Variants in ATP6V1C2 observed in about 807,000 individuals in gnomAD.
The protein encoded by ATP6V1C2 is V-type proton ATPase subunit C 2.
A neutral mutation model predicts 56.8 loss-of-function variants in ATP6V1C2; 45 were observed. That is an observed-to-expected ratio of 0.79 (90% CI 0.62 to 1.02). The LOEUF is 1.02. ATP6V1C2 is among the 50% of genes least tolerant of loss of function. The pLI, the probability that ATP6V1C2 is intolerant of heterozygous loss-of-function variation, is 0.00. For missense variants in ATP6V1C2, 463 were observed against 519.7 expected, an observed-to-expected ratio of 0.89 and a Z score of 1.06; for synonymous variants, 220 against 201.3, an observed-to-expected ratio of 1.09 and a Z score of -0.79.
At position 10,771,837 on chromosome 2, in the gene ATP6V1C2, A is replaced by ACCC; in HGVS notation, c.471-2_471-1insCCC. ...ACACCCTTTGTTCCACCTGCCTTTT[A>ACCC]GGGGGAACCTCTTCACCCGGACACT... is the stretch of plus-strand genomic sequence containing the variant. On this transcript the variant is annotated splice_acceptor_variant, in intron 6 of 13. Transcript: ENST00000272238. LOFTEE classifies it high-confidence loss of function. 1 of 1,612,904 alleles carries ACCC rather than the reference A, an allele frequency of 6.2e-7. No homozygotes were observed. The highest frequency in any genetic ancestry group is 8.5e-7 in the Non-Finnish European group (1 of 1,178,996).
rs910911283 is a variant in ATP6V1C2, at chr2:10,753,887, G to C, written c.198-94G>C. ...ATCTTGCCAAATTATTCCCCCAAAGGGTGTCACCAGCTACTTTTCCTGCCA... is the reference window on the plus strand; with the variant it reads ...ATCTTGCCAAATTATTCCCCCAAAGCGTGTCACCAGCTACTTTTCCTGCCA... On this transcript the variant is annotated intron_variant, in intron 3 of 13. Coordinates refer to ENST00000272238, the MANE Select transcript of ATP6V1C2 (RefSeq NM_001039362.2). The C allele has an allele frequency of 8.7e-6, 10 of 1,146,500 alleles. No individual in the cohort carries two copies. In the African/African-American group the frequency reaches 1.4e-4, roughly 16 times the overall value. The allele number at this position is 1,146,500 out of a possible 1,614,324, so 71.0% of individuals were successfully genotyped here.
Position 10,743,710 on chromosome 2 carries a change from C to T in ATP6V1C2, c.198-10271C>T, listed in dbSNP as rs28374878. On this transcript the variant is annotated intron_variant, in intron 3 of 13. Transcript: ENST00000272238. ...AATAATAATAATAAATTAGACCGGG[C>T]GAGGTGGCTCACGCCTGTAATCCCA... Among the ~76,000 whole-genome samples, 11 of 151,048 alleles carry T rather than the reference C, an allele frequency of 7.3e-5. No individual in the cohort carries two copies. The East Asian group carries it at 1.8e-3, about 25-fold the overall frequency.
At chr2:10,751,095 C>T (rs553801289) in intron 3 of ATP6V1C2, among the ~76,000 whole-genome samples, 1 of 152,284 alleles carries the variant, frequency 6.6e-6, no homozygotes, top group African/African-American at 2.4e-5. Flanking sequence ...AGGAGAGGCT[C>T]ATTATAGGGA....
In ATP6V1C2 at chr2:10,771,913, T is replaced by A; in HGVS notation, c.545T>A (p.Val182Asp). The change falls in exon 7 of 14, where the codon GTC becomes GAC. Residue 182 changes from valine to aspartate, a missense_variant. Coordinates refer to ENST00000272238, the MANE Select transcript of ATP6V1C2 (RefSeq NM_001039362.2). ...TTCGTGCTGGATTCTGAATATCTCG[T>A]CACACTTCTGGTCATCGTCCCCAAG... ...EDFVLDSEYL[V>D]TLLVIVPKPN... is the part of the protein sequence containing the mutation. 1 of 1,614,096 alleles carries A rather than the reference T, an allele frequency of 6.2e-7. No homozygotes were observed. The highest frequency in any genetic ancestry group is 8.5e-7 in the Non-Finnish European group (1 of 1,179,974).
intron 3 of ATP6V1C2, among the ~76,000 whole-genome samples, chr2:10,744,691 A>G (rs1662780918): frequency 8.3e-6 from 1 of 120,910 alleles, no homozygotes; most frequent in South Asian, 2.6e-4. Context: ...TTTTTTTGAG[A>G]CAGAGTCTCA....
intron 4 of ATP6V1C2, among the ~76,000 whole-genome samples, 173 bp from the exon 5 acceptor site, chr2:10,764,158 C>T (rs1385800624): frequency 6.6e-6 from 1 of 152,226 alleles, no homozygotes; most frequent in Non-Finnish European, 1.5e-5. Flanking sequence ...TGGCTCACAG[C>T]TCCCCGCTCC....
At position 10,725,586 on chromosome 2, in the gene ATP6V1C2, C is replaced by T. The variant is rs191198240; in HGVS notation, c.130-916C>T. 1.7e-4 allele frequency among the ~76,000 whole-genome samples: 25 copies of T among 148,096 alleles called. No individual in the cohort carries two copies. The Middle Eastern group carries it at 0.011, about 63-fold the overall frequency. On this transcript the variant is annotated intron_variant, in intron 2 of 13. Transcript: ENST00000272238. ...CTTGGCTCACTGCAACCTCCACCTC[C>T]GAGGTTCAAATGATTTTCCTGCCTC...
chr2:10,741,368 G>A (rs1662539537), intron 3 of ATP6V1C2, among the ~76,000 whole-genome samples: 1 of 152,216 alleles, frequency 6.6e-6, no homozygotes, highest in Admixed American at 6.5e-5. Context: ...TGGTGGAGGA[G>A]GAAGTAGAGA....
At chr2:10,731,182 C>T (rs933606443) in intron 3 of ATP6V1C2, among the ~76,000 whole-genome samples, 3 of 152,256 alleles carry the variant, frequency 2.0e-5, no homozygotes, top group Middle Eastern at 3.4e-3. Context: ...CTCCTGGGCT[C>T]TAGCAATCCT....
At position 10,769,659 on chromosome 2, in the gene ATP6V1C2, G is replaced by T. The variant is rs544607866; in HGVS notation, c.470+849G>T. Among the ~76,000 whole-genome samples, 20 of 151,956 alleles carry T rather than the reference G, an allele frequency of 1.3e-4. No individual in the cohort carries two copies. The South Asian group carries it at 3.1e-3, about 24-fold the overall frequency. ...ACAGAGGTTGCAGTGAGCTGAGATCGCCACTGCACTCCAGCCTGGGCATAC... is the reference window on the plus strand; with the variant it reads ...ACAGAGGTTGCAGTGAGCTGAGATCTCCACTGCACTCCAGCCTGGGCATAC... On this transcript the variant is annotated intron_variant, in intron 6 of 13. Transcript: ENST00000272238.
chr2:10,738,137 ATTG>A (rs1406968659), intron 3 of ATP6V1C2, among the ~76,000 whole-genome samples: 3 of 152,150 alleles, frequency 2.0e-5, no homozygotes, highest in Non-Finnish European at 4.4e-5. Context: ...AAATGAGAAT[ATTG>A]TTGTTTGAAG....
chr2:10,757,647 C>G (rs1286895546), intron 4 of ATP6V1C2, among the ~76,000 whole-genome samples: 2 of 152,200 alleles, frequency 1.3e-5, no homozygotes, highest in African/African-American at 4.8e-5. Context: ...CCCTCTTTGT[C>G]CTGTCATCCC....
At chr2:10,737,433 A>G (rs1174127556) in intron 3 of ATP6V1C2, among the ~76,000 whole-genome samples, 1 of 145,782 alleles carries the variant, frequency 6.9e-6, no homozygotes, top group African/African-American at 2.6e-5. Flanking sequence ...AAAAAAAAAA[A>G]GGAAAAAGAA....
intron 5 of ATP6V1C2, among the ~76,000 whole-genome samples, chr2:10,767,349 G>A (rs1347765884): frequency 1.3e-5 from 2 of 151,736 alleles, no homozygotes; most frequent in South Asian, 2.1e-4. Flanking sequence ...TTTGAGTAGA[G>A]ACAGGGTTTC....
intron 5 of ATP6V1C2, among the ~76,000 whole-genome samples, chr2:10,764,627 C>A (rs1664115773): frequency 6.6e-6 from 1 of 152,208 alleles, no homozygotes; most frequent in South Asian, 2.1e-4. Context: ...CCTGGCCTCC[C>A]CTCGAGGGCC....
intron 3 of ATP6V1C2, among the ~76,000 whole-genome samples, chr2:10,732,210 C>A (rs1661987256): frequency 6.6e-6 from 1 of 152,004 alleles, no homozygotes. Flanking sequence ...GCTTTCCCTT[C>A]TTCCCTCCAT....
intron 3 of ATP6V1C2, among the ~76,000 whole-genome samples, chr2:10,747,836 A>T (rs1663004594): frequency 6.6e-6 from 1 of 152,048 alleles, no homozygotes; most frequent in South Asian, 2.1e-4. Flanking sequence ...GAACACTTAT[A>T]CAGACTTTTT....
intron 3 of ATP6V1C2, among the ~76,000 whole-genome samples, chr2:10,734,071 G>C (rs1035577364): frequency 6.6e-6 from 1 of 152,176 alleles, no homozygotes; most frequent in Non-Finnish European, 1.5e-5. Flanking sequence ...AGATTGAGAT[G>C]ACCTATGTGG....
chr2:10,782,166 A>G, intron 12 of ATP6V1C2, 77 bp from the exon 13 acceptor site: 11 of 1,542,732 alleles, frequency 7.1e-6, no homozygotes, highest in Non-Finnish European at 8.8e-6. Context: ...CTCGGAATGT[A>G]CTGTTTCTGG....
Sources: allele counts gnomAD v4.1 joint callset (sites outside exome capture counted in the v4.1 genomes callset), GRCh38; gene constraint gnomAD v4.1.1; transcripts MANE v1.5; gene names NCBI Gene and HGNC (gene_info 2026-07-23, HGNC 2026-07-21).